The following KHDRBS3 variants were observed in gnomAD, a reference collection of about 807,000 sequenced individuals.
KHDRBS3 encodes the protein KH domain-containing, RNA-binding, signal transduction-associated protein 3.
KHDRBS3 carries 23 observed loss-of-function variants against 45.6 expected under a neutral mutation model. That is an observed-to-expected ratio of 0.50 (90% CI 0.36 to 0.72). The LOEUF (loss-of-function observed/expected upper bound fraction) is 0.72. Among genes scored for constraint, KHDRBS3 ranks in the 30% least tolerant of loss-of-function variants. The pLI is 0.00. For synonymous variants in KHDRBS3, 162 were observed against 156.5 expected (o/e 1.04, Z -0.26); for missense variants, 352 against 424.8 (o/e 0.83, Z 1.51).
At position 135,585,628 on chromosome 8, in the gene KHDRBS3, G is replaced by A. The variant is rs117846365; in HGVS notation, c.807+3555G>A. Among the ~76,000 whole-genome samples the A allele has an allele frequency of 1.7e-3, 263 of 152,268 alleles. 3 individuals carry two copies. The South Asian group carries it at 0.022, about 13-fold the overall frequency. ...TGTCTCCTGCAGAGAACCCACCACA[G>A]ATGCCTTCTGTGTGATTTTTCAGTT... On this transcript the variant is annotated intron_variant, in intron 6 of 8. Coordinates refer to ENST00000355849, the MANE Select transcript of KHDRBS3 (RefSeq NM_006558.3).
intron 1 of KHDRBS3, among the ~76,000 whole-genome samples, chr8:135,476,193 T>C (rs1292259963): frequency 1.3e-5 from 2 of 152,104 alleles, no homozygotes; most frequent in Non-Finnish European, 2.9e-5. Flanking sequence ...ACCTAGGCTG[T>C]AGTGCAGTGG....
intron 1 of KHDRBS3, among the ~76,000 whole-genome samples, chr8:135,519,123 A>G (rs1192189754): frequency 1.3e-5 from 2 of 152,214 alleles, no homozygotes; most frequent in African/African-American, 4.8e-5. Context: ...AGCTTTGATT[A>G]GAAGCTGCAG....
intron 5 of KHDRBS3, among the ~76,000 whole-genome samples, chr8:135,562,188 A>G (rs1043860823): frequency 6.6e-6 from 1 of 152,132 alleles, no homozygotes; most frequent in Non-Finnish European, 1.5e-5. Flanking sequence ...TCCAAGTTCC[A>G]CTCATGGTAA....
rs755852786 is a variant in KHDRBS3, at chr8:135,457,962, G to A, written c.88+8G>A. On this transcript the variant is annotated splice_region_variant and intron_variant, in intron 1 of 8. Coordinates refer to ENST00000355849, the MANE Select transcript of KHDRBS3 (RefSeq NM_006558.3). This position sits in a 1 kb window ranked among gnomAD's most constrained non-coding sequence, Gnocchi z 4.4. ...TGCGCCTGGTGAACCAAGGTGAGGCGCCGGCCGTTAACTGCCGGCCGGCGG... is the reference window on the plus strand; with the variant it reads ...TGCGCCTGGTGAACCAAGGTGAGGCACCGGCCGTTAACTGCCGGCCGGCGG... The A allele has an allele frequency of 6.3e-7, 1 of 1,584,276 alleles. No individual in the cohort carries two copies. Among genetic ancestry groups the A allele is most frequent in the East Asian group, 2.3e-5 (1 of 42,750 alleles).
At chr8:135,593,707 G>A (rs1439932735) in intron 6 of KHDRBS3, among the ~76,000 whole-genome samples, 3 of 152,120 alleles carry the variant, frequency 2.0e-5, no homozygotes, top group African/African-American at 7.2e-5. Context: ...CAGACTCCTG[G>A]CCTCAAGCAA....
At chr8:135,459,186 C>G (rs1169898483) in intron 1 of KHDRBS3, among the ~76,000 whole-genome samples, 5 of 152,126 alleles carry the variant, frequency 3.3e-5, no homozygotes, top group Non-Finnish European at 1.5e-5. Context: ...TATATAGATA[C>G]CTATATTTTA....
intron 3 of KHDRBS3, among the ~76,000 whole-genome samples, 188 bp downstream of exon 3, chr8:135,542,958 A>G (rs1271921173): frequency 1.3e-5 from 2 of 152,242 alleles, no homozygotes; most frequent in Non-Finnish European, 2.9e-5. Flanking sequence ...CTTTATAGTC[A>G]TACATTAAAT....
At chr8:135,644,834 A>G (rs182259189) in intron 7 of KHDRBS3, among the ~76,000 whole-genome samples, 1 of 151,982 alleles carries the variant, frequency 6.6e-6, no homozygotes, top group South Asian at 2.1e-4. Context: ...TAAAATGTCG[A>G]AACATATTTA....
intron 2 of KHDRBS3, among the ~76,000 whole-genome samples, chr8:135,525,363 G>A (rs1051688178): frequency 3.9e-5 from 6 of 152,198 alleles, no homozygotes; most frequent in Non-Finnish European, 7.4e-5. Flanking sequence ...AACTCTGACC[G>A]TCTTTTCTAG....
intron 7 of KHDRBS3, among the ~76,000 whole-genome samples, chr8:135,613,041 A>C (rs1430244497): frequency 1.3e-5 from 2 of 151,774 alleles, no homozygotes; most frequent in African/African-American, 4.9e-5. Context: ...GCACATACTC[A>C]CTTATGGGTA....
intron 5 of KHDRBS3, among the ~76,000 whole-genome samples, chr8:135,565,300 GGAA>G (rs1170018919): frequency 3.9e-5 from 6 of 152,118 alleles, no homozygotes; most frequent in African/African-American, 9.7e-5. Flanking sequence ...GGGGAGGGAA[GGAA>G]GAAGAAGTGG....
intron 7 of KHDRBS3, among the ~76,000 whole-genome samples, chr8:135,622,039 T>G (rs1240460350): frequency 6.6e-6 from 1 of 152,094 alleles, no homozygotes; most frequent in Non-Finnish European, 1.5e-5. Flanking sequence ...AGCTATCATG[T>G]CTCCCTACTG....
intron 1 of KHDRBS3, among the ~76,000 whole-genome samples, chr8:135,490,753 A>G: frequency 6.6e-6 from 1 of 152,188 alleles, no homozygotes; most frequent in East Asian, 1.9e-4. Flanking sequence ...TTTTATGATT[A>G]AAGGGATAAG....
chr8:135,583,636 T>C (rs547563685), intron 6 of KHDRBS3, among the ~76,000 whole-genome samples: 21 of 152,310 alleles, frequency 1.4e-4, no homozygotes, highest in Middle Eastern at 3.4e-3. Flanking sequence ...TAAATTTTAA[T>C]ATCGGGCAAG....
At chr8:135,550,500 A>G (rs1826534199) in intron 4 of KHDRBS3, among the ~76,000 whole-genome samples, 1 of 152,200 alleles carries the variant, frequency 6.6e-6, no homozygotes, top group Admixed American at 6.6e-5. Context: ...CTCATTCAGT[A>G]CCTTAGTACC....
In KHDRBS3 at chr8:135,544,140, A is replaced by G. The variant is rs112050515; in HGVS notation, c.324+1370A>G. 1.9e-3 allele frequency among the ~76,000 whole-genome samples: 292 copies of G among 152,292 alleles called. 1 individual carries two copies. The highest frequency in any genetic ancestry group is 4.1e-3 in the Admixed American group (62 of 15,294). On this transcript the variant is annotated intron_variant, in intron 3 of 8. Coordinates refer to ENST00000355849, the MANE Select transcript of KHDRBS3 (RefSeq NM_006558.3). ...TTGCTGATATCTTAGTTCACGCTCT[A>G]ATAAGGCCATCTGGTAATGGGCTGC...
At chr8:135,610,013 G>A (rs1458405740) in intron 7 of KHDRBS3, among the ~76,000 whole-genome samples, 1 of 151,916 alleles carries the variant, frequency 6.6e-6, no homozygotes, top group Non-Finnish European at 1.5e-5. Flanking sequence ...CCAGTTAATA[G>A]ATGTAGAAAC....
intron 1 of KHDRBS3, among the ~76,000 whole-genome samples, chr8:135,481,590 G>T (rs1036739413): frequency 6.6e-6 from 1 of 152,158 alleles, no homozygotes; most frequent in African/African-American, 2.4e-5. Context: ...CTGCAGTGAA[G>T]CTCTTTGTAC....
chr8:135,572,840 G>A (rs1411467360), intron 5 of KHDRBS3, among the ~76,000 whole-genome samples: 1 of 152,226 alleles, frequency 6.6e-6, no homozygotes, highest in Non-Finnish European at 1.5e-5. Context: ...ATAACTGTAG[G>A]CTGTTTCGCC....
Sources: allele counts gnomAD v4.1 joint callset (sites outside exome capture counted in the v4.1 genomes callset), GRCh38; gene constraint gnomAD v4.1.1; non-coding constraint Gnocchi (gnomAD v3.1); transcripts MANE v1.5; gene names NCBI Gene and HGNC (gene_info 2026-07-23, HGNC 2026-07-21).